Variants in CS observed in about 807,000 individuals in gnomAD.
The protein encoded by CS is citrate synthase.
CS carries 13 observed loss-of-function variants against 61.4 expected under a neutral mutation model. The ratio of observed to expected loss-of-function variants is 0.21; its 90% CI spans 0.14 to 0.34. The LOEUF (loss-of-function observed/expected upper bound fraction) is 0.34. Among genes scored for constraint, CS ranks in the 10% least tolerant of loss-of-function variants. The pLI is 1.00. For missense variants in CS, 278 were observed against 573.4 expected, an observed-to-expected ratio of 0.48 and a Z score of 5.26; for synonymous variants, 159 against 215.2, an observed-to-expected ratio of 0.74 and a Z score of 2.29.
chr12:56,291,401 T>C, intron 1 of CS: 1 of 474,318 alleles, frequency 2.1e-6, no homozygotes, highest in South Asian at 6.1e-5. Context: ...GTTTTCTTTT[T>C]AAGGGCTTCT....
rs1872812532 is a variant in CS, at chr12:56,282,769, A to G, written c.399+91T>C. 3.2e-6 allele frequency: 5 copies of G among 1,582,798 alleles called. No individual in the cohort carries two copies. The Admixed American group carries it at 8.5e-5, about 27-fold the overall frequency. ...TTCCTTCCCTTCACTACGCATCTCT[A>G]TAAATGCCGGATCAGCATTAAGTGT... On this transcript the variant is annotated intron_variant, in intron 5 of 10. Transcript: ENST00000351328.
chr12:56,276,424 T>A (rs189272910), intron 6 of CS, among the ~76,000 whole-genome samples: 1 of 152,332 alleles, frequency 6.6e-6, no homozygotes, highest in Non-Finnish European at 1.5e-5. Context: ...TACTATCTAA[T>A]GTACACTAAA....
At chr12:56,273,416 G>A in intron 10 of CS, 162 bp from the exon 11 acceptor site, 1 of 972,984 alleles carries the variant, frequency 1.0e-6, no homozygotes. Flanking sequence ...ATAGCAATTG[G>A]GATTCTGAAA....
In CS at chr12:56,300,269, G is replaced by A. The variant is rs755515326; in HGVS notation, c.-68C>T. The stretch of plus-strand genomic sequence containing the variant: ...GAGAGCTGCGGCAGGAACAGGAGCC[G>A]CCGCCGCTGCACCAGAGGCCGCGCC... On this transcript the variant is annotated 5_prime_UTR_variant, in exon 1 of 11. Coordinates refer to ENST00000351328, the MANE Select transcript of CS (RefSeq NM_004077.3). 2.7e-6 allele frequency: 4 copies of A among 1,480,364 alleles called. No individual in the cohort carries two copies. Among genetic ancestry groups the A allele is most frequent in the African/African-American group, 1.4e-5 (1 of 69,096 alleles). 91.7% of individuals were successfully genotyped at this position (1,480,364 alleles called of 1,614,324 possible). A position where few individuals can be genotyped will look rare whatever the true frequency, so the allele number is the denominator to read the frequency against.
intron 6 of CS, among the ~76,000 whole-genome samples, chr12:56,277,831 G>A (rs1044734095): frequency 3.3e-5 from 5 of 151,674 alleles, no homozygotes; most frequent in African/African-American, 1.2e-4. Flanking sequence ...GTTTCACCAT[G>A]TTGGTCAGGT....
intron 1 of CS, among the ~76,000 whole-genome samples, chr12:56,289,627 A>G (rs1324128810): frequency 2.0e-5 from 3 of 151,704 alleles, no homozygotes; most frequent in African/African-American, 7.3e-5. Flanking sequence ...GTATTTTAGT[A>G]GAGACAGGGT....
At chr12:56,280,440 A>AAAAACAC (rs1555162655) in intron 6 of CS, among the ~76,000 whole-genome samples, 10 of 119,902 alleles carry the variant, frequency 8.3e-5, no homozygotes, top group Non-Finnish European at 1.4e-4. Flanking sequence ...AAAAAAAACA[A>AAAAACAC]AAAAATTAGC....
intron 2 of CS, chr12:56,286,280 A>G (rs892294440): frequency 3.6e-6 from 2 of 553,848 alleles, no homozygotes; most frequent in African/African-American, 1.9e-5. Flanking sequence ...TAATGTAAAC[A>G]TATCTACTGC....
intron 6 of CS, among the ~76,000 whole-genome samples, chr12:56,278,334 G>A (rs1464864499): frequency 6.6e-6 from 1 of 152,058 alleles, no homozygotes; most frequent in Non-Finnish European, 1.5e-5. Flanking sequence ...CACCATATTG[G>A]CCAGGCCGGT....
chr12:56,282,685 GAGTAAA>G, intron 5 of CS, 77 bp from the exon 6 acceptor site: 1 of 1,530,350 alleles, frequency 6.5e-7, no homozygotes, highest in Non-Finnish European at 8.8e-7. Flanking sequence ...AGCAACATCT[GAGTAAA>G]GAAAACCCAA....
chr12:56,288,830 A>AT (rs986678867), intron 1 of CS, among the ~76,000 whole-genome samples: 2 of 65,864 alleles, frequency 3.0e-5, no homozygotes, highest in Non-Finnish European at 4.2e-5. Flanking sequence ...AAAAAAAAAA[A>AT]TTTTTTTTTG....
intron 1 of CS, among the ~76,000 whole-genome samples, chr12:56,292,802 G>T (rs1478369112): frequency 6.6e-6 from 1 of 151,642 alleles, no homozygotes; most frequent in African/African-American, 2.4e-5. Context: ...TACTCAGGAG[G>T]CTGAGGCAGG....
intron 1 of CS, among the ~76,000 whole-genome samples, chr12:56,293,842 T>C (rs759939985): frequency 3.9e-5 from 6 of 152,246 alleles, no homozygotes; most frequent in Non-Finnish European, 8.8e-5. Context: ...CAGGACTGGC[T>C]TAGCTGATGG....
chr12:56,286,688 CCTCT>C, intron 1 of CS, 43 bp from the exon 2 acceptor site: 1 of 1,545,112 alleles, frequency 6.5e-7, no homozygotes, highest in Non-Finnish European at 8.9e-7. Context: ...GTTACCCCTC[CCTCT>C]TTTATATTAA....
chr12:56,279,404 C>T (rs923812964), intron 6 of CS, among the ~76,000 whole-genome samples: 20 of 151,848 alleles, frequency 1.3e-4, no homozygotes, highest in African/African-American at 4.6e-4. Context: ...TTTGTGAGGC[C>T]GAGGCAGGCA....
intron 6 of CS, among the ~76,000 whole-genome samples, chr12:56,280,440 A>AAACAC (rs1555162653): frequency 2.8e-4 from 33 of 119,902 alleles, no homozygotes; most frequent in Non-Finnish European, 1.0e-4. Context: ...AAAAAAAACA[A>AAACAC]AAAAATTAGC....
rs1246264468 is a variant in CS, at chr12:56,275,987, C to A, written c.788+9G>T. The A allele has an allele frequency of 1.2e-6, 2 of 1,613,782 alleles. No homozygotes were observed. The highest frequency in any genetic ancestry group is 8.5e-7 in the Non-Finnish European group (1 of 1,179,856). On this transcript the variant is annotated intron_variant, in intron 7 of 10. Coordinates refer to ENST00000351328, the MANE Select transcript of CS (RefSeq NM_004077.3). ...CACCTAGTGGCTGTGGTTGCTGGGTCTAGCTTACCTGTGGATGGTGAGGTA... is the reference window on the plus strand; with the variant it reads ...CACCTAGTGGCTGTGGTTGCTGGGTATAGCTTACCTGTGGATGGTGAGGTA...
chr12:56,297,377 T>C (rs2135927894), intron 1 of CS, among the ~76,000 whole-genome samples: 1 of 152,314 alleles, frequency 6.6e-6, no homozygotes, highest in South Asian at 2.1e-4. Flanking sequence ...ATCTCAAAGC[T>C]CTCTGAATTA....
chr12:56,284,924 G>T (rs569293643), intron 3 of CS, among the ~76,000 whole-genome samples: 9 of 144,894 alleles, frequency 6.2e-5, no homozygotes, highest in African/African-American at 2.3e-4. Context: ...ACAGGGTTTT[G>T]CCAGCCATGT....
Sources: allele counts gnomAD v4.1 joint callset (sites outside exome capture counted in the v4.1 genomes callset), GRCh38; gene constraint gnomAD v4.1.1; transcripts MANE v1.5; gene names NCBI Gene and HGNC (gene_info 2026-07-23, HGNC 2026-07-21).